Variants in AQP9 observed in about 807,000 individuals in gnomAD.
AQP9 encodes the protein aquaporin-9.
In AQP9, 19 loss-of-function variants were observed where a neutral mutation model predicts 23.8. The observed-to-expected ratio is 0.80, with a 90% CI of 0.56 to 1.17. The LOEUF is 1.17. Among genes scored for constraint, AQP9 ranks in the 50% most tolerant of loss-of-function variants. The pLI, the probability that AQP9 is intolerant of heterozygous loss-of-function variation, is 0.00. For synonymous variants in AQP9, 153 were observed against 131.5 expected (o/e 1.16, Z -1.12); for missense variants, 413 against 362.0 (o/e 1.14, Z -1.14).
chr15:58,152,492 T>G (rs142871611), intron 1 of AQP9: 45 of 152,298 alleles, frequency 3.0e-4, no homozygotes, highest in Non-Finnish European at 2.9e-5. Flanking sequence ...CCTAAGATTA[T>G]TATGGGGTTT....
intron 1 of AQP9, among the ~76,000 whole-genome samples, chr15:58,142,560 C>T (rs143817664): frequency 6.6e-6 from 1 of 152,338 alleles, no homozygotes; most frequent in Non-Finnish European, 1.5e-5. Flanking sequence ...CACCAGGGTT[C>T]TGAGGTGGCT....
chr15:58,164,425 G>A (rs1024745065), intron 1 of AQP9, among the ~76,000 whole-genome samples: 6 of 152,132 alleles, frequency 3.9e-5, no homozygotes, highest in African/African-American at 1.2e-4. Context: ...CTACTAAAAT[G>A]TCAGTTCACC....
chr15:58,167,664 G>A (rs1324397166), intron 2 of AQP9, among the ~76,000 whole-genome samples: 6 of 152,106 alleles, frequency 3.9e-5, no homozygotes. Context: ...TTTGATCCAG[G>A]CTCACATGAT....
intron 3 of AQP9, among the ~76,000 whole-genome samples, chr15:58,174,380 G>C (rs1475774933): frequency 1.3e-5 from 2 of 152,126 alleles, no homozygotes; most frequent in Admixed American, 6.6e-5. Flanking sequence ...GAGTCTAAAA[G>C]GGCTAAAATG....
Position 58,174,966 on chromosome 15 carries a change from A to T in AQP9, c.425A>T (p.Asn142Ile), listed in dbSNP as rs1898709508. ...GGAAAACTGCTGATCGTGGGAGAAA[A>T]TGCAACAGCACACATTTTTGCAACA... ...AGGKLLIVGENATAHIFATYP... is the reference protein window; with the variant it reads ...AGGKLLIVGEIATAHIFATYP... The change falls in exon 4 of 6, where the codon AAT becomes ATT. Residue 142 changes from asparagine to isoleucine, a missense_variant. Coordinates refer to ENST00000219919, the MANE Select transcript of AQP9 (RefSeq NM_020980.5). 6.2e-7 allele frequency: 1 copy of T among 1,614,072 alleles called. No individual in the cohort carries two copies. The highest frequency in any genetic ancestry group is 8.5e-7 in the Non-Finnish European group (1 of 1,180,012).
intron 2 of AQP9, among the ~76,000 whole-genome samples, chr15:58,170,335 C>T (rs1898592665): frequency 6.6e-6 from 1 of 152,108 alleles, no homozygotes; most frequent in African/African-American, 2.4e-5. Flanking sequence ...CTCTCTAACC[C>T]CCAAACAACT....
chr15:58,160,683 G>C (rs1395258597), intron 1 of AQP9, among the ~76,000 whole-genome samples: 2 of 151,862 alleles, frequency 1.3e-5, no homozygotes, highest in African/African-American at 2.4e-5. Context: ...TTTGGGGGTG[G>C]GGGGTCGGTG....
chr15:58,142,106 A>C (rs1011910811), intron 1 of AQP9, among the ~76,000 whole-genome samples: 13 of 152,184 alleles, frequency 8.5e-5, no homozygotes, highest in African/African-American at 3.1e-4. Flanking sequence ...CCCAGAGCCC[A>C]GTTGCCCTGC....
At chr15:58,143,829 T>C (rs1451580061) in intron 1 of AQP9, among the ~76,000 whole-genome samples, 1 of 152,212 alleles carries the variant, frequency 6.6e-6, no homozygotes, top group African/African-American at 2.4e-5. Context: ...GTACACATGT[T>C]CACGAGTTTC....
Position 58,179,233 on chromosome 15 carries a change from A to T in AQP9, c.601A>T (p.Ile201Phe), listed in dbSNP as rs1226596750. The change falls in exon 5 of 6, where the codon ATT becomes TTT. Residue 201 changes from isoleucine (I) to phenylalanine (F), a missense_variant. Physicochemically the swap from Ile to Phe is conservative, Grantham distance 21 (BLOSUM62 0). Coordinates refer to ENST00000219919, the MANE Select transcript of AQP9 (RefSeq NM_020980.5). ...LEPIAIGLLI[I>F]VIASSLGLNS... The stretch of plus-strand genomic sequence containing the variant: ...GCCCATTGCCATCGGCCTCCTGATT[A>T]TTGTCATTGCTTCCTCCCTGGGACT... 1.1e-5 allele frequency: 18 copies of T among 1,614,098 alleles called. No individual in the cohort carries two copies. Among genetic ancestry groups the T allele is most frequent in the Non-Finnish European group, 1.5e-5 (18 of 1,180,004 alleles).
intron 2 of AQP9, among the ~76,000 whole-genome samples, chr15:58,170,166 G>C (rs1200813687): frequency 9.9e-5 from 15 of 152,098 alleles, no homozygotes. Flanking sequence ...TGATAAGCCA[G>C]GGTGACCACT....
intron 2 of AQP9, among the ~76,000 whole-genome samples, chr15:58,168,166 C>A (rs1170475990): frequency 6.6e-6 from 1 of 151,824 alleles, no homozygotes; most frequent in African/African-American, 2.4e-5. Flanking sequence ...GTAGCTAGGA[C>A]TACAGGTACG....
chr15:58,166,946 T>G, intron 2 of AQP9, 147 bp downstream of exon 2: 1 of 1,107,922 alleles, frequency 9.0e-7, no homozygotes, highest in Non-Finnish European at 1.2e-6. Flanking sequence ...TAGATAAAAT[T>G]AAAATCACCA....
At chr15:58,140,204 T>C (rs1897928372) in intron 1 of AQP9, among the ~76,000 whole-genome samples, 2 of 151,998 alleles carry the variant, frequency 1.3e-5, no homozygotes, top group African/African-American at 4.8e-5. Flanking sequence ...CATCTTTTTT[T>C]TTTTTTTTTT....
chr15:58,181,093 G>T (rs1238855533), intron 5 of AQP9, among the ~76,000 whole-genome samples: 1 of 152,182 alleles, frequency 6.6e-6, no homozygotes, highest in Non-Finnish European at 1.5e-5. Context: ...AAGTCAAAGA[G>T]ACATGGTGGT....
At chr15:58,156,008 C>A (rs1244944154) in intron 1 of AQP9, 1 of 152,168 alleles carries the variant, frequency 6.6e-6, no homozygotes, top group African/African-American at 2.4e-5. Flanking sequence ...CACTTCTCAA[C>A]TATCTTCACC....
intron 5 of AQP9, 54 bp from the exon 6 acceptor site, chr15:58,183,907 T>C: frequency 1.3e-6 from 2 of 1,584,994 alleles, no homozygotes; most frequent in South Asian, 2.3e-5. Context: ...AACTAGACAG[T>C]AATACCAGGA....
intron 5 of AQP9, among the ~76,000 whole-genome samples, chr15:58,182,385 G>T (rs1388895420): frequency 6.6e-6 from 1 of 152,120 alleles, no homozygotes; most frequent in Non-Finnish European, 1.5e-5. Flanking sequence ...AACCACATCT[G>T]AGCGCCTCCA....
intron 5 of AQP9, among the ~76,000 whole-genome samples, chr15:58,181,995 G>GA (rs1266970523): frequency 1.2e-4 from 18 of 151,846 alleles, no homozygotes; most frequent in South Asian, 2.1e-4. Context: ...TAAGGTCTTA[G>GA]AAAAAAAACA....
Sources: gnomAD v4.1 joint callset for allele counts (sites outside exome capture counted in the v4.1 genomes callset) on GRCh38, gnomAD v4.1.1 for gene constraint, MANE v1.5 for transcripts, NCBI Gene and HGNC (gene_info 2026-07-23, HGNC 2026-07-21) for gene names.